AUTS2: variants seen among roughly 807,000 people sequenced by gnomAD.
AUTS2 encodes the protein activator of transcription and developmental regulator AUTS2.
Under a neutral mutation model 112.4 loss-of-function variants are expected in AUTS2, and 17 were observed. The ratio of observed to expected loss-of-function variants is 0.15; its 90% CI spans 0.10 to 0.23. AUTS2 has a LOEUF of 0.23. Ranked by LOEUF, AUTS2 falls within the 10% of genes least tolerant of loss-of-function variation. AUTS2 has a pLI of 1.00. For synonymous variants in AUTS2, 751 were observed against 702.7 expected (o/e 1.07, Z -1.09); for missense variants, 1,510 against 1,701.6 (o/e 0.89, Z 1.98).
At chr7:70,061,336 C>T (rs1016724383) in intron 2 of AUTS2, among the ~76,000 whole-genome samples, 2 of 152,116 alleles carry the variant, frequency 1.3e-5, no homozygotes, top group African/African-American at 2.4e-5. Flanking sequence ...GGAAAACAGC[C>T]GCATTCCTGA....
chr7:70,762,474 C>G (rs1320613065), intron 6 of AUTS2, among the ~76,000 whole-genome samples: 1 of 151,916 alleles, frequency 6.6e-6, no homozygotes. Flanking sequence ...TGCTATGTTG[C>G]CCAGGCTGGT....
At chr7:70,758,257 G>C (rs1030476825) in intron 6 of AUTS2, among the ~76,000 whole-genome samples, 2 of 152,028 alleles carry the variant, frequency 1.3e-5, no homozygotes, top group African/African-American at 2.4e-5. Context: ...GTTACATTTA[G>C]GTGGCTTCCA....
chr7:70,694,290 C>A lies in AUTS2; in HGVS notation c.691-4279C>A. Reference sequence around the variant, plus strand: ...CACCCGCCAGCCCGCAAGCTCCGGCCAGAGGCGCCGCCGCCCCGCGCCCCG... The same window carrying A: ...CACCCGCCAGCCCGCAAGCTCCGGCAAGAGGCGCCGCCGCCCCGCGCCCCG... On this transcript the variant is annotated intron_variant, in intron 5 of 18. Transcript: ENST00000342771. This position sits in a 1 kb window ranked among gnomAD's most constrained non-coding sequence, Gnocchi z 4.1. 6.7e-6 allele frequency: 1 copy of A among 150,204 alleles called. No individual in the cohort carries two copies. The highest frequency in any genetic ancestry group is 2.1e-4 in the South Asian group (1 of 4,812). The allele number at this position is 150,204 out of a possible 1,614,324, so 9.3% of individuals were successfully genotyped here.
chr7:69,765,294 T>A (rs974405392), intron 1 of AUTS2, among the ~76,000 whole-genome samples: 1 of 152,204 alleles, frequency 6.6e-6, no homozygotes, highest in Admixed American at 6.5e-5. Flanking sequence ...ACAGGACACA[T>A]TGGACATGGT....
In AUTS2 at chr7:70,430,776, G is replaced by A. The variant is rs530760849; in HGVS notation, c.661-4976G>A. 2.4e-4 allele frequency among the ~76,000 whole-genome samples: 37 copies of A among 151,124 alleles called. No individual in the cohort carries two copies. In the South Asian group the frequency reaches 4.0e-3, roughly 16 times the overall value. Reference sequence around the variant, plus strand: ...AACAATCTAAATAACCAGCACTGGGGAATTTTTTAATTAGATTATGTTACA... The same window carrying A: ...AACAATCTAAATAACCAGCACTGGGAAATTTTTTAATTAGATTATGTTACA... On this transcript the variant is annotated intron_variant, in intron 4 of 18. Transcript: ENST00000342771.
At position 70,739,784 on chromosome 7, in the gene AUTS2, C is replaced by T. The variant is rs756391130; in HGVS notation, c.743-23086C>T. On this transcript the variant is annotated intron_variant, in intron 6 of 18. Transcript: ENST00000342771. ...CGCCTTTCAAGGAGCACCGTTCTGTCTTTGGGCAGCTCTAATTGTTAAAAA... is the reference window on the plus strand; with the variant it reads ...CGCCTTTCAAGGAGCACCGTTCTGTTTTTGGGCAGCTCTAATTGTTAAAAA... Among the ~76,000 whole-genome samples, 78 of 138,890 alleles carry T rather than the reference C, an allele frequency of 5.6e-4. 1 individual carries two copies. The highest frequency in any genetic ancestry group is 2.1e-3 in the Admixed American group (28 of 13,154). 91.1% of individuals were successfully genotyped at this position (138,890 alleles called of 152,430 possible). A position where few individuals can be genotyped will look rare whatever the true frequency, so the allele number is the denominator to read the frequency against.
chr7:69,657,111 C>T (rs917610491), intron 1 of AUTS2, among the ~76,000 whole-genome samples: 3 of 152,288 alleles, frequency 2.0e-5, no homozygotes, highest in Admixed American at 6.5e-5. Flanking sequence ...GCTTGGCTCC[C>T]GGCTCCTTCA....
chr7:69,794,422 T>TG (rs1308983178), intron 1 of AUTS2, among the ~76,000 whole-genome samples: 10 of 152,320 alleles, frequency 6.6e-5, no homozygotes, highest in Non-Finnish European at 1.2e-4. Flanking sequence ...CTGGGAATAC[T>TG]GGGGGCAGAT....
chr7:70,163,354 G>C (rs1479828153), intron 4 of AUTS2, among the ~76,000 whole-genome samples: 3 of 89,880 alleles, frequency 3.3e-5, no homozygotes, highest in Non-Finnish European at 7.9e-5. Flanking sequence ...TGGGGGGGGG[G>C]GGGGCAGAGG....
intron 5 of AUTS2, among the ~76,000 whole-genome samples, chr7:70,448,351 T>G (rs912219136): frequency 7.9e-5 from 12 of 152,194 alleles, no homozygotes; most frequent in Non-Finnish European, 8.8e-5. Context: ...GGGCAGTTTT[T>G]TAAATGCTGC....
At chr7:69,643,270 A>G (rs895975213) in intron 1 of AUTS2, 1 of 152,622 alleles carries the variant, frequency 6.6e-6, no homozygotes, top group Non-Finnish European at 1.5e-5. Context: ...ATAATCATGT[A>G]TGTCCATCAT....
At chr7:70,741,366 C>T (rs1341001676) in intron 6 of AUTS2, among the ~76,000 whole-genome samples, 4 of 150,680 alleles carry the variant, frequency 2.7e-5, no homozygotes, top group African/African-American at 7.3e-5. Context: ...CCAGTAAAAA[C>T]AGTAACTTAG....
chr7:70,606,890 T>C (rs1271858681), intron 5 of AUTS2, among the ~76,000 whole-genome samples: 1 of 149,322 alleles, frequency 6.7e-6, no homozygotes, highest in Non-Finnish European at 1.5e-5. Context: ...AAGTCTTTCA[T>C]GGAGGACTTC....
At chr7:70,633,924 T>TGAAGG (rs1805402761) in intron 5 of AUTS2, among the ~76,000 whole-genome samples, 1 of 152,210 alleles carries the variant, frequency 6.6e-6, no homozygotes, top group Admixed American at 6.5e-5. Context: ...GTGATGGCTG[T>TGAAGG]GTCAGGATTA....
At chr7:70,414,592 G>A (rs1281008347) in intron 4 of AUTS2, among the ~76,000 whole-genome samples, 1 of 152,142 alleles carries the variant, frequency 6.6e-6, no homozygotes, top group African/African-American at 2.4e-5. Flanking sequence ...TAGCAGTGGG[G>A]AGACAATTAT....
chr7:69,957,230 T>C (rs1426836951), intron 2 of AUTS2, among the ~76,000 whole-genome samples: 1 of 151,882 alleles, frequency 6.6e-6, no homozygotes, highest in Non-Finnish European at 1.5e-5. Flanking sequence ...TGAGAGAACA[T>C]AAACACAGGG....
intron 1 of AUTS2, among the ~76,000 whole-genome samples, chr7:69,887,812 G>A (rs1437426745): frequency 6.6e-6 from 1 of 152,106 alleles, no homozygotes; most frequent in Non-Finnish European, 1.5e-5. Flanking sequence ...ATTATAATTT[G>A]GCCTTGATAT....
At chr7:70,723,847 C>T (rs951137170) in intron 6 of AUTS2, among the ~76,000 whole-genome samples, 6 of 151,816 alleles carry the variant, frequency 4.0e-5, no homozygotes, top group Non-Finnish European at 1.5e-5. Context: ...CTGAAACTAA[C>T]GTTTTGTTTA....
At chr7:69,824,408 CAA>C (rs142164177) in intron 1 of AUTS2, among the ~76,000 whole-genome samples, 1 of 131,774 alleles carries the variant, frequency 7.6e-6, no homozygotes, top group Non-Finnish European at 1.6e-5. Flanking sequence ...GATTCTGTCT[CAA>C]AAAAAAAAAA....
Sources: gnomAD v4.1 joint callset for allele counts (sites outside exome capture counted in the v4.1 genomes callset) on GRCh38, gnomAD v4.1.1 for gene constraint, Gnocchi (gnomAD v3.1) non-coding constraint, MANE v1.5 for transcripts, NCBI Gene and HGNC (gene_info 2026-07-23, HGNC 2026-07-21) for gene names.